Variants in TMPRSS15 observed in about 807,000 individuals in gnomAD.
TMPRSS15 encodes the protein enteropeptidase.
In TMPRSS15, 128 loss-of-function variants were observed where a neutral mutation model predicts 125.3. The ratio of observed to expected loss-of-function variants is 1.02; its 90% confidence interval spans 0.89 to 1.18. The LOEUF is 1.18. Ranked by LOEUF, TMPRSS15 falls within the 50% of genes most tolerant of loss-of-function variation. The probability of loss-of-function intolerance (pLI) is 0.00; values close to 1 mark genes in which losing one functional copy is unlikely to be tolerated. For synonymous variants in TMPRSS15, 446 were observed against 423.2 expected, an observed-to-expected ratio of 1.05 and a Z score of -0.66; for missense variants, 1,283 against 1,212.7, an observed-to-expected ratio of 1.06 and a Z score of -0.86.
intron 16 of TMPRSS15, among the ~76,000 whole-genome samples, chr21:18,317,088 A>C (rs530030669): frequency 1.3e-5 from 2 of 152,326 alleles, no homozygotes; most frequent in Non-Finnish European, 2.9e-5. Flanking sequence ...TAACATTACT[A>C]TTACATTGCT....
chr21:18,409,343 C>A (rs1164549241), intron 1 of TMPRSS15, among the ~76,000 whole-genome samples: 2 of 151,936 alleles, frequency 1.3e-5, no homozygotes, highest in Non-Finnish European at 2.9e-5. Context: ...ATGTGATGTA[C>A]CTTTTTCAGT....
intron 18 of TMPRSS15, among the ~76,000 whole-genome samples, chr21:18,298,164 A>G (rs1217073634): frequency 6.6e-6 from 1 of 152,242 alleles, no homozygotes; most frequent in Non-Finnish European, 1.5e-5. Flanking sequence ...CTATGTTGTC[A>G]AATAGTTTCC....
At chr21:18,359,659 C>G in intron 8 of TMPRSS15, 98 bp downstream of exon 8, 1 of 616,144 alleles carries the variant, frequency 1.6e-6, no homozygotes, top group Non-Finnish European at 2.9e-6. Context: ...AGTTTCAAGT[C>G]CATATTCACT....
intron 1 of TMPRSS15, among the ~76,000 whole-genome samples, chr21:18,464,007 T>C (rs1280607305): frequency 6.6e-6 from 1 of 151,636 alleles, no homozygotes; most frequent in East Asian, 1.9e-4. Context: ...ACCCTGTCAC[T>C]ACTAAAAATA....
intron 1 of TMPRSS15, among the ~76,000 whole-genome samples, chr21:18,432,504 AG>A (rs2076218121): frequency 6.6e-6 from 1 of 152,142 alleles, no homozygotes; most frequent in African/African-American, 2.4e-5. Flanking sequence ...ATAATGGAGT[AG>A]GGTGGGCTCC....
intron 1 of TMPRSS15, among the ~76,000 whole-genome samples, chr21:18,437,216 C>A (rs974093960): frequency 1.3e-5 from 2 of 151,258 alleles, no homozygotes; most frequent in South Asian, 2.1e-4. Context: ...GAAAAACAAG[C>A]AATGGGGAAA....
chr21:18,380,520 A>G (rs751572745), intron 4 of TMPRSS15: 11 of 469,698 alleles, frequency 2.3e-5, no homozygotes, highest in East Asian at 7.0e-5. Flanking sequence ...TGTATTTTTA[A>G]AAGTGCCATA....
chr21:18,449,612 T>C (rs545562983), intron 1 of TMPRSS15, among the ~76,000 whole-genome samples: 46 of 152,266 alleles, frequency 3.0e-4, no homozygotes, highest in African/African-American at 1.1e-3. Context: ...TGTGACTGCC[T>C]ATGAGCTAAA....
chr21:18,352,077 T>G (rs960091217), intron 10 of TMPRSS15, among the ~76,000 whole-genome samples: 10 of 151,820 alleles, frequency 6.6e-5, no homozygotes, highest in Non-Finnish European at 1.3e-4. Flanking sequence ...TTTCACTGTT[T>G]TTTTGTAATT....
At chr21:18,460,608 G>A (rs1191092002) in intron 1 of TMPRSS15, 1 of 152,216 alleles carries the variant, frequency 6.6e-6, no homozygotes, top group East Asian at 1.9e-4. Flanking sequence ...ACTCTGCAGG[G>A]TGGGCTGGCA....
chr21:18,473,815 A>C (rs955302051), intron 1 of TMPRSS15, among the ~76,000 whole-genome samples: 1 of 152,068 alleles, frequency 6.6e-6, no homozygotes, highest in African/African-American at 2.4e-5. Flanking sequence ...GAGATTTTTT[A>C]AAAATACATT....
intron 1 of TMPRSS15, among the ~76,000 whole-genome samples, chr21:18,442,652 C>T (rs911551091): frequency 6.6e-6 from 1 of 152,168 alleles, no homozygotes; most frequent in African/African-American, 2.4e-5. Flanking sequence ...GACAGTTTAT[C>T]TGGCTCTCTC....
chr21:18,347,322 G>A (rs1170660619), intron 10 of TMPRSS15, among the ~76,000 whole-genome samples: 3 of 152,004 alleles, frequency 2.0e-5, no homozygotes, highest in African/African-American at 7.2e-5. Context: ...TGCAACCTCT[G>A]CCTCCGGTGG....
chr21:18,402,312 C>A (rs951169475), intron 1 of TMPRSS15, among the ~76,000 whole-genome samples: 1 of 152,010 alleles, frequency 6.6e-6, no homozygotes, highest in East Asian at 1.9e-4. Context: ...TGGGCAGATA[C>A]GAGGTCAAGA....
At chr21:18,288,346 G>A (rs2074790124) in intron 21 of TMPRSS15, among the ~76,000 whole-genome samples, 3 of 152,046 alleles carry the variant, frequency 2.0e-5, no homozygotes, top group African/African-American at 7.2e-5. Context: ...CGCTGTGGGA[G>A]GCGGGTGGAT....
chr21:18,483,324 C>T (rs565514158), intron 1 of TMPRSS15, among the ~76,000 whole-genome samples: 4 of 151,848 alleles, frequency 2.6e-5, no homozygotes, highest in South Asian at 2.1e-4. Context: ...AACAGCAGTT[C>T]GCTTCTCTAC....
At chr21:18,308,376 T>TACACACACACAC (rs3138687) in intron 18 of TMPRSS15, among the ~76,000 whole-genome samples, 377 of 148,768 alleles carry the variant, frequency 2.5e-3, no homozygotes, top group Non-Finnish European at 4.3e-3. Flanking sequence ...TAAAAAGAAT[T>TACACACACACAC]ACACACACAC....
At chr21:18,296,711 A>G (rs533018526) in intron 19 of TMPRSS15, among the ~76,000 whole-genome samples, 1 of 152,344 alleles carries the variant, frequency 6.6e-6, no homozygotes, top group South Asian at 2.1e-4. Context: ...CTATATGGTA[A>G]TATAAATTTA....
chr21:18,344,507 T>C (rs2075484624), intron 10 of TMPRSS15, among the ~76,000 whole-genome samples: 1 of 152,216 alleles, frequency 6.6e-6, no homozygotes. Context: ...AGATTTTCAG[T>C]TTTATATTTC....
Sources: gnomAD v4.1 joint callset for allele counts (sites outside exome capture counted in the v4.1 genomes callset) on GRCh38, gnomAD v4.1.1 for gene constraint, MANE v1.5 for transcripts, NCBI Gene and HGNC (gene_info 2026-07-23, HGNC 2026-07-21) for gene names.